Variants in NME7 observed in about 807,000 individuals in gnomAD.
NME7 encodes the protein NME/NM23 family member 7, also known as nucleoside diphosphate kinase 7.
NME7 carries 41 observed loss-of-function variants against 49.1 expected under a neutral mutation model. The observed-to-expected ratio is 0.83, with a 90% CI of 0.65 to 1.08. The LOEUF is 1.08. Among genes scored for constraint, NME7 ranks in the 50% least tolerant of loss-of-function variants. The probability of loss-of-function intolerance (pLI) is 0.00; values close to 1 mark genes in which losing one functional copy is unlikely to be tolerated. For missense variants in NME7, 423 were observed against 463.4 expected (o/e 0.91, Z 0.80); for synonymous variants, 139 against 150.6 (o/e 0.92, Z 0.56).
intron 11 of NME7, among the ~76,000 whole-genome samples, chr1:169,158,358 T>C (rs1369195551): frequency 1.3e-5 from 2 of 152,244 alleles, no homozygotes; most frequent in Admixed American, 6.5e-5. Flanking sequence ...CAGAACGGCA[T>C]ACAATTTAAA....
At chr1:169,188,735 C>T (rs749739880) in intron 10 of NME7, among the ~76,000 whole-genome samples, 1 of 152,150 alleles carries the variant, frequency 6.6e-6, no homozygotes, top group Non-Finnish European at 1.5e-5. Flanking sequence ...AACTCTATTC[C>T]TATATTGCAC....
At position 169,132,609 on chromosome 1, in the gene NME7, A is replaced by G. The variant is rs138857215; in HGVS notation, c.*176T>C. ...CATAGACTGGTGTTAAATGTTGTCT[A>G]CAGTGCAAAATCCATGTTCTAACAT... On this transcript the variant is annotated 3_prime_UTR_variant, in exon 12 of 12. Transcript: ENST00000367811. 1.2e-4 allele frequency: 69 copies of G among 557,248 alleles called. No homozygotes were observed. Among genetic ancestry groups the G allele is most frequent in the Middle Eastern group, 5.8e-4 (2 of 3,444 alleles). 34.5% of individuals were successfully genotyped at this position (557,248 alleles called of 1,614,324 possible). A position where few individuals can be genotyped will look rare whatever the true frequency, so the allele number is the denominator to read the frequency against.
intron 10 of NME7, among the ~76,000 whole-genome samples, chr1:169,171,820 CT>C (rs1377067114): frequency 7.3e-6 from 1 of 136,278 alleles, no homozygotes; most frequent in Admixed American, 7.3e-5. Flanking sequence ...TTTTTTTTTT[CT>C]TTTTTTTTAT....
intron 11 of NME7, among the ~76,000 whole-genome samples, chr1:169,159,149 C>A (rs1054118824): frequency 6.6e-6 from 1 of 152,008 alleles, no homozygotes; most frequent in African/African-American, 2.4e-5. Context: ...TAAAGGTGGG[C>A]GAGGGAGGAA....
intron 5 of NME7, among the ~76,000 whole-genome samples, chr1:169,299,319 G>A (rs1335870634): frequency 2.0e-5 from 3 of 151,836 alleles, no homozygotes; most frequent in African/African-American, 4.8e-5. Flanking sequence ...TTTTATTAGC[G>A]TAAAAACTAC....
chr1:169,322,972 A>T (rs922110709), intron 3 of NME7, 145 bp downstream of exon 3: 18 of 581,256 alleles, frequency 3.1e-5, no homozygotes, highest in African/African-American at 5.8e-5. Flanking sequence ...ATTTTTTTTT[A>T]AATTGAAAAA....
chr1:169,218,628 T>C (rs1261673764), intron 10 of NME7, among the ~76,000 whole-genome samples: 6 of 149,870 alleles, frequency 4.0e-5, no homozygotes, highest in Non-Finnish European at 8.9e-5. Context: ...TATTTCCTGT[T>C]AAGGCATTTA....
chr1:169,224,309 T>G (rs1661235623), intron 10 of NME7, among the ~76,000 whole-genome samples: 1 of 152,128 alleles, frequency 6.6e-6, no homozygotes, highest in Non-Finnish European at 1.5e-5. Context: ...TCTCTGTGCA[T>G]AAGATCGGGC....
chr1:169,271,749 T>A (rs72637229), intron 7 of NME7, among the ~76,000 whole-genome samples: 11,808 of 132,526 alleles, frequency 0.089, 3,171 homozygotes, highest in East Asian at 0.75. Context: ...ACTCCTTTTT[T>A]AAAATAAAAA....
At chr1:169,254,869 C>T (rs201648594) in intron 7 of NME7, among the ~76,000 whole-genome samples, 7,153 of 120,456 alleles carry the variant, frequency 0.059, 1,237 homozygotes, top group East Asian at 0.2. Flanking sequence ...TGTAGTTGAG[C>T]GGTTTTGAGT....
At chr1:169,248,252 C>T (rs1044243766) in intron 7 of NME7, among the ~76,000 whole-genome samples, 1 of 151,966 alleles carries the variant, frequency 6.6e-6, no homozygotes, top group African/African-American at 2.4e-5. Context: ...TAGCATTTTT[C>T]ATATGTTCTT....
intron 3 of NME7, among the ~76,000 whole-genome samples, chr1:169,313,513 G>A (rs1293368361): frequency 6.6e-6 from 1 of 152,144 alleles, no homozygotes; most frequent in Non-Finnish European, 1.5e-5. Context: ...ATGGGAAAAA[G>A]ACAGAAGCAA....
chr1:169,169,664 G>T, intron 10 of NME7, 110 bp from the exon 11 acceptor site: 2 of 950,784 alleles, frequency 2.1e-6, no homozygotes, highest in Non-Finnish European at 3.2e-6. Context: ...GTTATATATA[G>T]ACAGTGCTTA....
At chr1:169,153,653 A>G (rs1033382078) in intron 11 of NME7, among the ~76,000 whole-genome samples, 2 of 129,260 alleles carry the variant, frequency 1.5e-5, no homozygotes, top group African/African-American at 6.0e-5. Flanking sequence ...ATTTTATATT[A>G]CAATTTAATT....
rs1429368327 is a variant in NME7, at chr1:169,324,432, A to G, written c.72T>C (p.Tyr24=). 4 of 1,613,416 alleles carry G rather than the reference A, an allele frequency of 2.5e-6. No homozygotes were observed. The highest frequency in any genetic ancestry group is 2.7e-5 in the African/African-American group (2 of 74,920). The part of the protein sequence containing the change: ...YDPNASLLRR[Y]ELLFYPGDGS... ...CATCCCCTGGGTAAAATAAAAGCTCATAACGTCGAAGAAGTGAAGCATTTG... is the reference window on the plus strand; with the variant it reads ...CATCCCCTGGGTAAAATAAAAGCTCGTAACGTCGAAGAAGTGAAGCATTTG... Residue 24 remains tyrosine, a synonymous_variant, in exon 2 of 12, where the codon TAT becomes TAC. Coordinates refer to ENST00000367811, the MANE Select transcript of NME7 (RefSeq NM_013330.5).
intron 10 of NME7, among the ~76,000 whole-genome samples, chr1:169,228,521 C>G (rs1460546267): frequency 9.9e-5 from 15 of 151,020 alleles, no homozygotes; most frequent in Admixed American, 9.9e-4. Flanking sequence ...ACTAAAAATA[C>G]AAAAAATTAG....
At chr1:169,239,440 G>C (rs779049924) in intron 7 of NME7, among the ~76,000 whole-genome samples, 3 of 151,808 alleles carry the variant, frequency 2.0e-5, no homozygotes, top group Non-Finnish European at 2.9e-5. Context: ...CCAAGTGAAT[G>C]GAAGAATGAC....
At chr1:169,352,586 G>A (rs1018155197) in intron 1 of NME7, among the ~76,000 whole-genome samples, 1 of 151,898 alleles carries the variant, frequency 6.6e-6, no homozygotes, top group African/African-American at 2.4e-5. Flanking sequence ...GCAATCAGAT[G>A]AGAGAAAGGG....
intron 8 of NME7, among the ~76,000 whole-genome samples, chr1:169,235,958 G>A (rs1048940278): frequency 2.0e-5 from 3 of 149,274 alleles, no homozygotes; most frequent in African/African-American, 7.3e-5. Flanking sequence ...TTAAAAAGTA[G>A]CCTCAGAATT....
Sources: allele counts gnomAD v4.1 joint callset (sites outside exome capture counted in the v4.1 genomes callset), GRCh38; gene constraint gnomAD v4.1.1; transcripts MANE v1.5; gene names NCBI Gene and HGNC (gene_info 2026-07-23, HGNC 2026-07-21).